The following ACOXL variants were observed in gnomAD, a reference collection of about 807,000 sequenced individuals.
ACOXL encodes the protein acyl-CoA oxidase like, also known as acyl-coenzyme A oxidase-like protein.
In ACOXL, 70 loss-of-function variants were observed where a neutral mutation model predicts 71.9. The observed-to-expected ratio is 0.97, with a 90% CI of 0.80 to 1.19. ACOXL has a LOEUF of 1.19. ACOXL is among the 50% of genes most tolerant of loss of function. The pLI is 0.00. For missense variants in ACOXL, 703 were observed against 736.3 expected (o/e 0.95, Z 0.52); for synonymous variants, 253 against 281.6 (o/e 0.90, Z 1.02).
chr2:111,021,581 C>T lies in ACOXL; in HGVS notation c.1282-10046C>T, dbSNP rs73954909. On this transcript the variant is annotated intron_variant, in intron 14 of 17. Transcript: ENST00000439055. ...GACTCTCCTTGAGGACCTGCCACAC[C>T]TGCCCTTCAGTACAGAAAGAGGGCA... is the stretch of plus-strand genomic sequence containing the variant. 4.2e-3 allele frequency among the ~76,000 whole-genome samples: 643 copies of T among 152,276 alleles called. 1 individual carries two copies. Among genetic ancestry groups the T allele is most frequent in the African/African-American group, 0.015 (607 of 41,546 alleles).
chr2:110,843,611 C>T (rs561040082), intron 10 of ACOXL, among the ~76,000 whole-genome samples: 1 of 152,254 alleles, frequency 6.6e-6, no homozygotes, highest in South Asian at 2.1e-4. Context: ...ACAAGCCCTG[C>T]AGAGAGTTGG....
intron 16 of ACOXL, among the ~76,000 whole-genome samples, chr2:111,088,626 A>G (rs1000028159): frequency 6.6e-6 from 1 of 152,116 alleles, no homozygotes. Flanking sequence ...CACCGGGGCC[A>G]ACCTTAGGGT....
At chr2:110,771,874 C>CG (rs2105030610) in intron 2 of ACOXL, among the ~76,000 whole-genome samples, 1 of 152,326 alleles carries the variant, frequency 6.6e-6, no homozygotes, top group South Asian at 2.1e-4. Context: ...CCTTCTGTCT[C>CG]TAAGACCCAG....
At chr2:111,031,381 A>G (rs1437872977) in intron 14 of ACOXL, among the ~76,000 whole-genome samples, 1 of 152,178 alleles carries the variant, frequency 6.6e-6, no homozygotes, top group Non-Finnish European at 1.5e-5. Flanking sequence ...GTGTTTCTCT[A>G]ACGTCTGTGA....
chr2:111,021,803 G>GA (rs2064772994), intron 14 of ACOXL, among the ~76,000 whole-genome samples: 1 of 151,618 alleles, frequency 6.6e-6, no homozygotes, highest in Admixed American at 6.6e-5. Context: ...ACACCACAAG[G>GA]AAAAAGAGAT....
At chr2:110,873,372 A>G (rs1695502850) in intron 10 of ACOXL, among the ~76,000 whole-genome samples, 1 of 152,006 alleles carries the variant, frequency 6.6e-6, no homozygotes, top group Admixed American at 6.5e-5. Flanking sequence ...TGTGGACTCA[A>G]CCTCAGCTCT....
intron 10 of ACOXL, among the ~76,000 whole-genome samples, chr2:110,891,648 T>A (rs1574012354): frequency 6.6e-6 from 1 of 152,220 alleles, no homozygotes; most frequent in East Asian, 1.9e-4. Context: ...GCTGTATGCC[T>A]TAGAGCAGTT....
intron 10 of ACOXL, among the ~76,000 whole-genome samples, chr2:110,893,403 A>G (rs1574019410): frequency 6.6e-6 from 1 of 152,330 alleles, no homozygotes; most frequent in East Asian, 1.9e-4. Context: ...TTAAAATGAG[A>G]TAATATTTTA....
Position 110,769,173 on chromosome 2 carries a change from A to G in ACOXL, c.75+709A>G, listed in dbSNP as rs566554602. On this transcript the variant is annotated intron_variant, in intron 2 of 17. Transcript: ENST00000439055. ...CAAAGTTTATGTCTTATTTGTCTAA[A>G]AACTGTCATTCTAAATTTAGTGGTA... Among the ~76,000 whole-genome samples, 97 of 152,130 alleles carry G rather than the reference A, an allele frequency of 6.4e-4. 1 individual carries two copies. The highest frequency in any genetic ancestry group is 3.4e-3 in the Middle Eastern group (1 of 294).
chr2:110,900,264 A>G (rs985975411), intron 10 of ACOXL, among the ~76,000 whole-genome samples: 6 of 152,126 alleles, frequency 3.9e-5, no homozygotes, highest in Non-Finnish European at 8.8e-5. Flanking sequence ...ATGCAGAGTA[A>G]GTTAGTGCTT....
chr2:110,929,398 A>G lies in ACOXL; in HGVS notation c.906-4091A>G, dbSNP rs142125044. On this transcript the variant is annotated intron_variant, in intron 11 of 17. Transcript: ENST00000439055. ...TGATTTAGGGTATCTGGCACAAGCA[A>G]TTTCTAAGCAGCAAGGCATTCAAGA... Among the ~76,000 whole-genome samples the G allele has an allele frequency of 1.6e-3, 251 of 152,302 alleles. 2 individuals are homozygous for G. The highest frequency in any genetic ancestry group is 5.3e-3 in the African/African-American group (222 of 41,554).
intron 1 of ACOXL, among the ~76,000 whole-genome samples, chr2:110,754,011 T>C (rs1337254102): frequency 6.6e-6 from 1 of 151,996 alleles, no homozygotes; most frequent in African/African-American, 2.4e-5. Context: ...GTCATTTATA[T>C]ATCCTCTTGC....
chr2:110,871,121 C>T (rs1225427966), intron 10 of ACOXL, among the ~76,000 whole-genome samples: 2 of 152,088 alleles, frequency 1.3e-5, no homozygotes, highest in African/African-American at 4.8e-5. Context: ...TACTGCTTAT[C>T]GAAACTTTAC....
At chr2:110,878,212 G>A (rs1216322639) in intron 10 of ACOXL, among the ~76,000 whole-genome samples, 3 of 152,136 alleles carry the variant, frequency 2.0e-5, no homozygotes, top group African/African-American at 2.4e-5. Flanking sequence ...GGAATAAGAG[G>A]CTTTCAGAAA....
intron 14 of ACOXL, among the ~76,000 whole-genome samples, chr2:111,010,927 A>G (rs1043548831): frequency 1.3e-5 from 2 of 152,208 alleles, no homozygotes; most frequent in African/African-American, 2.4e-5. Flanking sequence ...ATACTACAAG[A>G]AATGCTAAGG....
At chr2:110,893,613 C>T (rs940572736) in intron 10 of ACOXL, among the ~76,000 whole-genome samples, 2 of 152,008 alleles carry the variant, frequency 1.3e-5, no homozygotes, top group Non-Finnish European at 2.9e-5. Flanking sequence ...TAAATTTACC[C>T]TAAGGAAATA....
At chr2:110,884,280 G>A (rs897352578) in intron 10 of ACOXL, among the ~76,000 whole-genome samples, 3 of 152,222 alleles carry the variant, frequency 2.0e-5, no homozygotes, top group Non-Finnish European at 4.4e-5. Flanking sequence ...AACAAGGTGT[G>A]TTTGTCCAGA....
intron 10 of ACOXL, among the ~76,000 whole-genome samples, chr2:110,846,924 C>A (rs1691959664): frequency 6.6e-6 from 1 of 152,140 alleles, no homozygotes; most frequent in Non-Finnish European, 1.5e-5. Flanking sequence ...GCCATGACTG[C>A]CTGCGCGCTT....
At chr2:111,067,619 G>A (rs147209437) in intron 16 of ACOXL, among the ~76,000 whole-genome samples, 1 of 152,330 alleles carries the variant, frequency 6.6e-6, no homozygotes, top group African/African-American at 2.4e-5. Flanking sequence ...AAGTAATATG[G>A]AAGAGTATTC....
Sources: allele counts gnomAD v4.1 joint callset (sites outside exome capture counted in the v4.1 genomes callset), GRCh38; gene constraint gnomAD v4.1.1; transcripts MANE v1.5; gene names NCBI Gene and HGNC (gene_info 2026-07-23, HGNC 2026-07-21).